CAPN6: variants seen among roughly 807,000 people sequenced by gnomAD.
The protein encoded by CAPN6 is calpain 6, also known as calpain-6.
In CAPN6, 16 loss-of-function variants were observed where a neutral mutation model predicts 46.0. That is an observed-to-expected ratio of 0.35 (90% confidence interval 0.24 to 0.53). The LOEUF is 0.53. Ranked by LOEUF, CAPN6 falls within the 20% of genes least tolerant of loss-of-function variation. The pLI, the probability that CAPN6 is intolerant of heterozygous loss-of-function variation, is 0.94. For synonymous variants in CAPN6, 206 were observed against 172.8 expected, an observed-to-expected ratio of 1.19 and a Z score of -1.51; for missense variants, 461 against 498.0, an observed-to-expected ratio of 0.93 and a Z score of 0.71.
chrX:111,254,711 A>C (rs2094982453), intron 2 of CAPN6, among the ~76,000 whole-genome samples: 2 of 111,370 alleles, frequency 1.8e-5, no homozygotes, highest in East Asian at 5.7e-4. Context: ...GAGAGTTTTC[A>C]CCACAGCAGT....
At chrX:111,256,250 T>C (rs938857529) in intron 2 of CAPN6, among the ~76,000 whole-genome samples, 7 of 110,438 alleles carry the variant, frequency 6.3e-5, no homozygotes, top group African/African-American at 2.3e-4. Flanking sequence ...TATACAAAAA[T>C]TAGCCAGGCG....
intron 8 of CAPN6, 67 bp downstream of exon 8, chrX:111,250,850 A>G: frequency 9.8e-7 from 1 of 1,016,977 alleles, no homozygotes; most frequent in South Asian, 2.1e-5. Flanking sequence ...TCCAGAGATG[A>G]CCAAAGCAAG....
chrX:111,251,856 G>A, intron 5 of CAPN6, 114 bp from the exon 6 acceptor site: 3 of 589,024 alleles, frequency 5.1e-6, no homozygotes, highest in East Asian at 3.3e-5. Flanking sequence ...TCACACAGAT[G>A]GAAATTTCAT....
chrX:111,252,743 T>C (rs1398181591), intron 4 of CAPN6, among the ~76,000 whole-genome samples: 1 of 111,845 alleles, frequency 8.9e-6, no homozygotes, highest in Non-Finnish European at 1.9e-5. Flanking sequence ...AATGAAGTGA[T>C]AGTGCCATGT....
chrX:111,252,140 T>C (rs1363584105), intron 5 of CAPN6, among the ~76,000 whole-genome samples, 167 bp downstream of exon 5: 2 of 111,857 alleles, frequency 1.8e-5, no homozygotes, highest in Non-Finnish European at 3.8e-5. Context: ...GATAAAAAAC[T>C]AAAGCACCTC....
rs763646342 is a variant in CAPN6 at position 111,246,565 on chromosome X, G to A, written c.*12C>T. 1.4e-5 allele frequency: 17 copies of A among 1,197,180 alleles called. No individual in the cohort carries two copies. The Admixed American group carries it at 3.5e-4, about 25-fold the overall frequency. On this transcript the variant is annotated 3_prime_UTR_variant, in exon 13 of 13. Coordinates refer to ENST00000324068, the MANE Select transcript of CAPN6 (RefSeq NM_014289.4). ...GTGGCACGCTTTGTCAGGATTCTCT[G>A]GGATTGCAGATTTAGAGCTCAGTGA...
chrX:111,246,811 C>T (rs775183734), intron 12 of CAPN6, 52 bp from the exon 13 acceptor site: 2 of 1,042,768 alleles, frequency 1.9e-6, no homozygotes, highest in East Asian at 3.0e-5. Context: ...GTGAGATTAG[C>T]CTTTGCCCAG....
chrX:111,265,489 CAT>C (rs1252372891), intron 1 of CAPN6, among the ~76,000 whole-genome samples: 1 of 111,841 alleles, frequency 8.9e-6, no homozygotes, highest in East Asian at 2.8e-4. Context: ...TTTGTCTGCT[CAT>C]GTGTTTTAAA....
At position 111,263,766 on chromosome X, in the gene CAPN6, A is replaced by G. The variant is rs1438155392; in HGVS notation, c.165+6T>C. 8.3e-7 allele frequency: 1 copy of G among 1,198,005 alleles called. No homozygotes were observed. The highest frequency in any genetic ancestry group is 1.1e-6 in the Non-Finnish European group (1 of 888,045). ...AGGAGACAGAATGTGTAAAATAGAA[A>G]GTTACCTGGGGACGTTTCCACACCA... On this transcript the variant is annotated splice_donor_region_variant and intron_variant, in intron 2 of 12. Transcript: ENST00000324068.
intron 12 of CAPN6, 35 bp from the exon 13 acceptor site, chrX:111,246,794 GC>G: frequency 8.9e-7 from 1 of 1,124,162 alleles, no homozygotes; most frequent in Non-Finnish European, 1.2e-6. Context: ...AAGATGAGCA[GC>G]CCTCAGTGAG....
At chrX:111,246,885 CT>C in intron 12 of CAPN6, 126 bp from the exon 13 acceptor site, 1 of 534,753 alleles carries the variant, frequency 1.9e-6, no homozygotes, top group East Asian at 3.7e-5. Flanking sequence ...CTATTCTGTC[CT>C]TTCCTGATAG....
chrX:111,264,542 C>T (rs1223769884), intron 1 of CAPN6, among the ~76,000 whole-genome samples: 4 of 111,502 alleles, frequency 3.6e-5, no homozygotes, highest in African/African-American at 6.5e-5. Flanking sequence ...AGCAGATGGC[C>T]TCCAAAGACA....
intron 1 of CAPN6, among the ~76,000 whole-genome samples, chrX:111,264,910 C>T (rs2094990630): frequency 9.0e-6 from 1 of 111,480 alleles, no homozygotes; most frequent in Non-Finnish European, 1.9e-5. Context: ...TTTCTTGATT[C>T]ACAAAGATTT....
At chrX:111,249,986 A>T (rs2094977792) in intron 8 of CAPN6, among the ~76,000 whole-genome samples, 1 of 111,239 alleles carries the variant, frequency 9.0e-6, no homozygotes. Context: ...GAGTGAAGCC[A>T]TTTTCCCAGC....
At chrX:111,251,387 A>G in intron 6 of CAPN6, 101 bp from the exon 7 acceptor site, 1 of 950,728 alleles carries the variant, frequency 1.1e-6, no homozygotes, top group Non-Finnish European at 1.5e-6. Flanking sequence ...CATGAGGATC[A>G]GTCCTGCTTT....
intron 3 of CAPN6, 129 bp downstream of exon 3, chrX:111,254,143 G>T: frequency 1.3e-6 from 1 of 798,744 alleles, no homozygotes; most frequent in Non-Finnish European, 1.8e-6. Context: ...GAGGGAAGTC[G>T]CCTAGTTAAT....
intron 2 of CAPN6, among the ~76,000 whole-genome samples, chrX:111,256,295 A>T (rs1048446042): frequency 1.4e-4 from 15 of 110,928 alleles, no homozygotes; most frequent in Non-Finnish European, 3.8e-5. Flanking sequence ...GCTACTCAGG[A>T]GGCTGAGGCA....
At chrX:111,262,188 C>T (rs185317208) in intron 2 of CAPN6, among the ~76,000 whole-genome samples, 1 of 112,094 alleles carries the variant, frequency 8.9e-6, no homozygotes, top group Non-Finnish European at 1.9e-5. Flanking sequence ...GCTAAGTGAT[C>T]CGCTGGAATG....
At chrX:111,252,839 A>G (rs1195141327) in intron 4 of CAPN6, among the ~76,000 whole-genome samples, 169 bp downstream of exon 4, 2 of 111,962 alleles carry the variant, frequency 1.8e-5, no homozygotes, top group Non-Finnish European at 3.8e-5. Context: ...TCTCTCATCT[A>G]AGATTTCTGA....
Sources: allele counts gnomAD v4.1 joint callset (sites outside exome capture counted in the v4.1 genomes callset), GRCh38; gene constraint gnomAD v4.1.1; transcripts MANE v1.5; gene names NCBI Gene and HGNC (gene_info 2026-07-23, HGNC 2026-07-21).